Variants in LIN9 observed in about 807,000 individuals in gnomAD.
LIN9 encodes lin-9 DREAM MuvB core complex component.
LIN9 carries 18 observed loss-of-function variants against 78.0 expected under a neutral mutation model. That is an observed-to-expected ratio of 0.23 (90% CI 0.16 to 0.34). The LOEUF (loss-of-function observed/expected upper bound fraction) is 0.34. Among genes scored for constraint, LIN9 ranks in the 10% least tolerant of loss-of-function variants. The probability of loss-of-function intolerance (pLI) is 1.00; values close to 1 mark genes in which losing one functional copy is unlikely to be tolerated. For synonymous variants in LIN9, 192 were observed against 215.2 expected, an observed-to-expected ratio of 0.89 and a Z score of 0.94; for missense variants, 451 against 644.1, an observed-to-expected ratio of 0.70 and a Z score of 3.25.
chr1:226,277,228 A>AC (rs1174878513), intron 7 of LIN9, among the ~76,000 whole-genome samples: 1 of 151,494 alleles, frequency 6.6e-6, no homozygotes, highest in African/African-American at 2.4e-5. Context: ...AAAAAAAAAA[A>AC]AAAAAAAACT....
chr1:226,246,834 C>A (rs1658512236), intron 11 of LIN9, among the ~76,000 whole-genome samples: 1 of 150,370 alleles, frequency 6.7e-6, no homozygotes, highest in African/African-American at 2.4e-5. Flanking sequence ...CTAAAAGTCA[C>A]TATCAATTTA....
chr1:226,302,956 T>G (rs558138191), intron 1 of LIN9, among the ~76,000 whole-genome samples: 1 of 151,112 alleles, frequency 6.6e-6, no homozygotes, highest in South Asian at 2.1e-4. Context: ...CTATTAGCAT[T>G]AAAGACACTT....
chr1:226,309,683 C>T (rs1187151514), upstream of LIN9: 1 of 1,283,386 alleles, frequency 7.8e-7, no homozygotes, highest in African/African-American at 1.5e-5. Context: ...CCCGAGACCG[C>T]CGGCCGCAGC....
intron 10 of LIN9, among the ~76,000 whole-genome samples, chr1:226,254,546 C>T (rs1376882952): frequency 6.6e-6 from 1 of 151,998 alleles, no homozygotes; most frequent in Non-Finnish European, 1.5e-5. Context: ...AGTTTACAGT[C>T]TGGGATATAA....
intron 7 of LIN9, 50 bp downstream of exon 7, chr1:226,277,725 C>A: frequency 6.7e-7 from 1 of 1,500,188 alleles, no homozygotes; most frequent in Non-Finnish European, 9.1e-7. Flanking sequence ...AAAAGATTAC[C>A]TTGATTAAAA....
chr1:226,249,221 T>C (rs1019198214), intron 11 of LIN9, among the ~76,000 whole-genome samples: 4 of 152,068 alleles, frequency 2.6e-5, no homozygotes, highest in Admixed American at 1.3e-4. Flanking sequence ...AGGCATCGAA[T>C]ATAAAGGGCA....
At chr1:226,234,547 AT>A (rs1364934592) in intron 12 of LIN9, among the ~76,000 whole-genome samples, 2 of 152,080 alleles carry the variant, frequency 1.3e-5, no homozygotes, top group Non-Finnish European at 2.9e-5. Context: ...TTGGGGGCAC[AT>A]TTTACTTCCT....
At chr1:226,271,103 A>C (rs1660245849) in intron 7 of LIN9, among the ~76,000 whole-genome samples, 1 of 152,188 alleles carries the variant, frequency 6.6e-6, no homozygotes, top group Non-Finnish European at 1.5e-5. Context: ...AGGGGTAAAC[A>C]ACTGTGGCTT....
intron 10 of LIN9, among the ~76,000 whole-genome samples, chr1:226,253,224 C>T (rs1261195096): frequency 6.9e-6 from 1 of 144,028 alleles, no homozygotes; most frequent in Non-Finnish European, 1.5e-5. Flanking sequence ...GATCATGCCA[C>T]TGCACTCAGC....
Position 226,301,213 on chromosome 1 carries a change from T to C in LIN9, c.32-8A>G, listed in dbSNP as rs750698396. The C allele has an allele frequency of 7.5e-6, 12 of 1,597,326 alleles. No individual in the cohort carries two copies. Among genetic ancestry groups the C allele is most frequent in the Non-Finnish European group, 9.4e-6 (11 of 1,175,132 alleles). On this transcript the variant is annotated splice_polypyrimidine_tract_variant and splice_region_variant and intron_variant, in intron 1 of 14. Transcript: ENST00000681046. ...GGGCTTTTGCTGAAGAGCCTGCAAT[T>C]AAAAATAAAACAAATCAATAATTAT... is the stretch of plus-strand genomic sequence containing the variant.
chr1:226,255,653 T>A (rs988111344), intron 10 of LIN9, among the ~76,000 whole-genome samples: 1 of 152,154 alleles, frequency 6.6e-6, no homozygotes, highest in Non-Finnish European at 1.5e-5. Context: ...AGCTAAGGCC[T>A]CTAATGGATA....
chr1:226,233,123 T>C lies in LIN9; in HGVS notation c.1496A>G (p.Lys499Arg), dbSNP rs766783390. 5 of 1,602,362 alleles carry C rather than the reference T, an allele frequency of 3.1e-6. No individual in the cohort carries two copies. Among genetic ancestry groups the C allele is most frequent in the East Asian group, 2.2e-5 (1 of 44,750 alleles). Residue 499 changes from lysine to arginine, a missense_variant, in exon 14 of 15, where the codon AAG (lysine) becomes AGG (arginine). Transcript: ENST00000681046. ...KSLTDSLNDI[K>R]STIDASNISC... is the part of the protein sequence containing the mutation. ...GATATTAGAAGCGTCTATTGTACTC[T>C]TGATATCATTTAATGAGTCTGTAAG...
Position 226,301,201 on chromosome 1 carries a change from A to C in LIN9, c.36T>G (p.Ser12=), listed in dbSNP as rs1369377003. 2.5e-6 allele frequency: 4 copies of C among 1,600,978 alleles called. No homozygotes were observed. Among genetic ancestry groups the C allele is most frequent in the Non-Finnish European group, 3.4e-6 (4 of 1,177,204 alleles). The change falls in exon 2 of 15, where the codon TCT becomes TCG. Residue 12 remains serine (S), a synonymous_variant. Transcript: ENST00000681046. ...TTAAACTGACAAGGGCTTTTGCTGA[A>C]GAGCCTGCAATTAAAAATAAAACAA... ...AELDQLPDES[S]SAKALVSLKE...
intron 11 of LIN9, among the ~76,000 whole-genome samples, chr1:226,247,167 T>C (rs1279268804): frequency 6.6e-6 from 1 of 152,160 alleles, no homozygotes; most frequent in Non-Finnish European, 1.5e-5. Context: ...ATTGCTAGAG[T>C]TTATAGTTTT....
chr1:226,278,858 A>C (rs902530722), intron 6 of LIN9, among the ~76,000 whole-genome samples: 2 of 150,636 alleles, frequency 1.3e-5, no homozygotes, highest in African/African-American at 4.9e-5. Context: ...GCGGTGGCTC[A>C]CGCCTGTAAT....
chr1:226,291,546 A>G (rs1229563171), intron 4 of LIN9, among the ~76,000 whole-genome samples: 1 of 151,264 alleles, frequency 6.6e-6, no homozygotes, highest in Non-Finnish European at 1.5e-5. Context: ...TAATCAAACT[A>G]ATTATAGTGG....
intron 10 of LIN9, among the ~76,000 whole-genome samples, chr1:226,254,838 A>G (rs1392382798): frequency 6.6e-5 from 10 of 150,836 alleles, no homozygotes; most frequent in African/African-American, 2.4e-4. Flanking sequence ...GTGAACCCGG[A>G]AGGCGGAGCT....
rs370677165 is a variant in LIN9 at position 226,232,467 on chromosome 1, ATG to A, written c.*32_*33del. The A allele has an allele frequency of 9.8e-4, 1,348 of 1,381,384 alleles. 37 individuals are homozygous for A. The South Asian group carries it at 0.014, about 14-fold the overall frequency. 85.6% of individuals were successfully genotyped at this position (1,381,384 alleles called of 1,614,324 possible). A position where few individuals can be genotyped will look rare whatever the true frequency, so the allele number is the denominator to read the frequency against. ...AAAGGAAAAGAACTTCTCAAAAACA[ATG>A]TCCCGTGCAGTTGGAATAATGAAAT... is the stretch of plus-strand genomic sequence containing the variant. On this transcript the variant is annotated 3_prime_UTR_variant, in exon 15 of 15. Coordinates refer to ENST00000681046, the MANE Select transcript of LIN9 (RefSeq NM_001366245.2).
chr1:226,309,337 C>T (rs1663147419), upstream of LIN9: 22 of 994,210 alleles, frequency 2.2e-5, no homozygotes, highest in East Asian at 1.1e-4. Context: ...GAAGGGGGGC[C>T]GCGCCTCGCC....
Sources: allele counts gnomAD v4.1 joint callset (sites outside exome capture counted in the v4.1 genomes callset), GRCh38; gene constraint gnomAD v4.1.1; transcripts MANE v1.5; gene names NCBI Gene and HGNC (gene_info 2026-07-23, HGNC 2026-07-21).